Variants in RNASE4 observed in about 807,000 individuals in gnomAD.
RNASE4 encodes ribonuclease A family member 4, also known as ribonuclease 4.
For missense variants in RNASE4, 194 were observed against 192.8 expected, an observed-to-expected ratio of 1.01 and a Z score of -0.04; for synonymous variants, 93 against 71.4, an observed-to-expected ratio of 1.30 and a Z score of -1.52.
At position 20,699,906 on chromosome 14, in the gene RNASE4, T is replaced by G; in HGVS notation, c.*91T>G. The stretch of plus-strand genomic sequence containing the variant: ...AATGCATTTGAGCTGTCCCAGGCTC[T>G]GTCTCCTCAGCTCATTTCCTACTCT... On this transcript the variant is annotated 3_prime_UTR_variant, in exon 2 of 2. Transcript: ENST00000555835. 1 of 1,090,818 alleles carries G rather than the reference T, an allele frequency of 9.2e-7. No individual in the cohort carries two copies. Among genetic ancestry groups the G allele is most frequent in the Non-Finnish European group, 1.4e-6 (1 of 729,736 alleles). The allele number at this position is 1,090,818 out of a possible 1,614,324, so 67.6% of individuals were successfully genotyped here.
chr14:20,697,915 C>G (rs561182375), intron 1 of RNASE4, among the ~76,000 whole-genome samples: 1 of 152,274 alleles, frequency 6.6e-6, no homozygotes, highest in East Asian at 1.9e-4. Flanking sequence ...CCAGGAGTGA[C>G]GGCCAGATGG....
Position 20,699,477 on chromosome 14 carries a change from T to G in RNASE4, c.106T>G (p.Phe36Val), listed in dbSNP as rs752555339. ...SYGQDGMYQR[F>V]LRQHVHPEET... is the part of the protein sequence containing the mutation. ...TGGCCAGGATGGCATGTACCAGCGA[T>G]TCCTGCGGCAACACGTGCACCCTGA... Residue 36 changes from phenylalanine (F) to valine (V), a missense_variant, in exon 2 of 2, where the codon TTC becomes GTC. Physicochemically the swap from Phe to Val is conservative, Grantham distance 50. Transcript: ENST00000555835. The G allele has an allele frequency of 1.2e-6, 2 of 1,614,098 alleles. No individual in the cohort carries two copies. The highest frequency in any genetic ancestry group is 1.7e-6 in the Non-Finnish European group (2 of 1,180,030).
At chr14:20,697,272 G>C (rs564905921) in intron 1 of RNASE4, among the ~76,000 whole-genome samples, 1 of 152,146 alleles carries the variant, frequency 6.6e-6, no homozygotes, top group Non-Finnish European at 1.5e-5. Context: ...ATGGAAACTC[G>C]AGGTGCCACC....
At chr14:20,691,566 G>A (rs1415447193) in intron 1 of RNASE4, among the ~76,000 whole-genome samples, 3 of 152,150 alleles carry the variant, frequency 2.0e-5, no homozygotes, top group South Asian at 2.1e-4. Flanking sequence ...CTACAATCAT[G>A]TACCTCTTTC....
At chr14:20,689,031 T>G (rs1886559248) in intron 1 of RNASE4, among the ~76,000 whole-genome samples, 1 of 152,196 alleles carries the variant, frequency 6.6e-6, no homozygotes, top group African/African-American at 2.4e-5. Flanking sequence ...AGGTTTCTTT[T>G]GGGATGGCCT....
At chr14:20,688,139 G>A (rs1166466998) in intron 1 of RNASE4, among the ~76,000 whole-genome samples, 3 of 152,174 alleles carry the variant, frequency 2.0e-5, no homozygotes, top group Non-Finnish European at 2.9e-5. Context: ...CTTGTGGACA[G>A]GTAAAGATGG....
chr14:20,696,634 G>A (rs1221559765), intron 1 of RNASE4, among the ~76,000 whole-genome samples: 1 of 151,676 alleles, frequency 6.6e-6, no homozygotes, highest in Non-Finnish European at 1.5e-5. Flanking sequence ...TTAGCTCTAC[G>A]AAATAAAGAG....
intron 1 of RNASE4, among the ~76,000 whole-genome samples, chr14:20,685,943 G>A (rs971283464): frequency 6.6e-6 from 1 of 151,718 alleles, no homozygotes; most frequent in Non-Finnish European, 1.5e-5. Context: ...GGGAGGCTGA[G>A]ACAGGAGACT....
intron 1 of RNASE4, among the ~76,000 whole-genome samples, chr14:20,691,536 T>C (rs1424284064): frequency 1.3e-5 from 2 of 152,208 alleles, no homozygotes; most frequent in African/African-American, 4.8e-5. Flanking sequence ...TTGTTACTCC[T>C]TTAGGGCTGG....
Position 20,699,386 on chromosome 14 carries a change from G to A in RNASE4, c.15G>A (p.Arg5=), listed in dbSNP as rs1434997470. The part of the protein sequence containing the change: MALQ[R]THSLLLLLLL... ...CTAAGATACTGATGGCTCTGCAGAG[G>A]ACCCATTCATTGCTTCTGCTTTTGC... Residue 5 remains arginine, a synonymous_variant, in exon 2 of 2, where the codon AGG becomes AGA. Transcript: ENST00000555835. 6.2e-7 allele frequency: 1 copy of A among 1,602,094 alleles called. No individual in the cohort carries two copies. Among genetic ancestry groups the A allele is most frequent in the East Asian group, 2.2e-5 (1 of 44,636 alleles).
At chr14:20,696,839 G>A (rs989520943) in intron 1 of RNASE4, among the ~76,000 whole-genome samples, 1 of 152,128 alleles carries the variant, frequency 6.6e-6, no homozygotes, top group Non-Finnish European at 1.5e-5. Context: ...TCCCTAAGAG[G>A]TAGGTATTAC....
chr14:20,685,796 C>G (rs1886393747), intron 1 of RNASE4, among the ~76,000 whole-genome samples: 2 of 152,048 alleles, frequency 1.3e-5, no homozygotes, highest in Non-Finnish European at 2.9e-5. Flanking sequence ...AATCCCAGCA[C>G]TTTGGGAGGC....
At chr14:20,697,670 C>T (rs183059597) in intron 1 of RNASE4, among the ~76,000 whole-genome samples, 8 of 152,274 alleles carry the variant, frequency 5.3e-5, no homozygotes, top group Admixed American at 4.6e-4. Context: ...TCCACCATTA[C>T]GAAGCAGAAT....
chr14:20,688,952 A>T, intron 1 of RNASE4: 1 of 735,740 alleles, frequency 1.4e-6, no homozygotes, highest in Non-Finnish European at 1.7e-6. Context: ...TCCTCCCTTT[A>T]AAGCCTCCAG....
chr14:20,688,765 G>C (rs1227856452), intron 1 of RNASE4: 16 of 985,086 alleles, frequency 1.6e-5, no homozygotes, highest in Non-Finnish European at 1.6e-5. Context: ...TCAGAACCTG[G>C]AGAGGCCTCC....
rs1345271411 is a variant in RNASE4, at chr14:20,700,272, T to G, written c.*457T>G. 5.9e-6 allele frequency: 1 copy of G among 168,154 alleles called. No individual in the cohort carries two copies. Among genetic ancestry groups the G allele is most frequent in the Non-Finnish European group, 1.5e-5 (1 of 68,868 alleles). 10.4% of individuals were successfully genotyped at this position (168,154 alleles called of 1,614,324 possible). A position where few individuals can be genotyped will look rare whatever the true frequency, so the allele number is the denominator to read the frequency against. ...AAAATCCAGTGTAGCTGGCCACTTA[T>G]CCAGGGCTTTTTCTACTTCATCACA... On this transcript the variant is annotated 3_prime_UTR_variant, in exon 2 of 2. Coordinates refer to ENST00000555835, the MANE Select transcript of RNASE4 (RefSeq NM_002937.5).
chr14:20,689,198 C>T (rs1248892426), intron 1 of RNASE4, among the ~76,000 whole-genome samples: 3 of 152,214 alleles, frequency 2.0e-5, no homozygotes, highest in East Asian at 3.9e-4. Flanking sequence ...AGGCATTACA[C>T]GTGGCTTAAC....
intron 1 of RNASE4, among the ~76,000 whole-genome samples, chr14:20,691,980 G>A (rs1304798630): frequency 1.3e-5 from 2 of 152,154 alleles, no homozygotes; most frequent in African/African-American, 4.8e-5. Context: ...ACTCCCTTCT[G>A]TGAACAGCAA....
intron 1 of RNASE4, chr14:20,693,619 A>G: frequency 1.2e-6 from 2 of 1,613,550 alleles, no homozygotes; most frequent in South Asian, 2.2e-5. Context: ...TCTGGGTCTG[A>G]CCCCACCGAC....
Sources: allele counts gnomAD v4.1 joint callset (sites outside exome capture counted in the v4.1 genomes callset), GRCh38; gene constraint gnomAD v4.1.1; transcripts MANE v1.5; gene names NCBI Gene and HGNC (gene_info 2026-07-23, HGNC 2026-07-21).